Variants in TMEM120B observed in about 807,000 individuals in gnomAD.
The protein encoded by TMEM120B is transmembrane protein 120B.
Under a neutral mutation model 55.5 loss-of-function variants are expected in TMEM120B, and 31 were observed. That is an observed-to-expected ratio of 0.56 (90% confidence interval 0.42 to 0.75). The LOEUF is 0.75. Ranked by LOEUF, TMEM120B falls within the 30% of genes least tolerant of loss-of-function variation. The pLI, the probability that TMEM120B is intolerant of heterozygous loss-of-function variation, is 0.00. For synonymous variants in TMEM120B, 203 were observed against 176.3 expected (o/e 1.15, Z -1.20); for missense variants, 399 against 425.5 (o/e 0.94, Z 0.55).
chr12:121,750,567 AACCCAC>A (rs1038229892), intron 4 of TMEM120B, 128 bp downstream of exon 4: 6 of 631,186 alleles, frequency 9.5e-6, no homozygotes, highest in South Asian at 3.6e-5. Context: ...CCACACCTCA[AACCCAC>A]ACCCACACTC....
chr12:121,773,262 C>CTGTT (rs747595880), intron 8 of TMEM120B, among the ~76,000 whole-genome samples, 159 bp from the exon 9 acceptor site: 1 of 152,266 alleles, frequency 6.6e-6, no homozygotes, highest in Non-Finnish European at 1.5e-5. Flanking sequence ...GTGTGTGTGT[C>CTGTT]TGTTTGTGGT....
chr12:121,782,012 G>T lies in TMEM120B; in HGVS notation c.*6290G>T, dbSNP rs1256614752. On this transcript the variant is annotated 3_prime_UTR_variant, in exon 12 of 12. Coordinates refer to ENST00000449592, the MANE Select transcript of TMEM120B (RefSeq NM_001080825.2). ...TCTTCTTCTTTATAAACAATTCTTT[G>T]TAACTTTTTGTATTGACAGTTTCAA... The T allele has an allele frequency of 2.0e-5, 3 of 152,044 alleles. No homozygotes were observed. The highest frequency in any genetic ancestry group is 7.3e-5 in the African/African-American group (3 of 41,372). The allele number at this position is 152,044 out of a possible 1,614,324, so 9.4% of individuals were successfully genotyped here.
At chr12:121,762,058 C>T (rs775017467) in intron 6 of TMEM120B, among the ~76,000 whole-genome samples, 3 of 151,948 alleles carry the variant, frequency 2.0e-5, no homozygotes, top group Admixed American at 1.3e-4. Context: ...TTTGGGAGGC[C>T]GAGGGGGGCA....
chr12:121,740,935 A>C (rs2137113335), intron 1 of TMEM120B, among the ~76,000 whole-genome samples: 1 of 152,294 alleles, frequency 6.6e-6, no homozygotes, highest in South Asian at 2.1e-4. Context: ...GGTCTCTGTC[A>C]CAACTACTTG....
In TMEM120B at chr12:121,769,300, T is replaced by C. The variant is rs545439212; in HGVS notation, c.552-1607T>C. Among the ~76,000 whole-genome samples, 3 of 152,212 alleles carry C rather than the reference T, an allele frequency of 2.0e-5. No homozygotes were observed. In the South Asian group the frequency reaches 6.2e-4, roughly 32 times the overall value. ...TCACTGAGATGACAGGAGATGGGCC[T>C]GGGGCATGTAGCTCCTGGGGAGAAG... is the stretch of plus-strand genomic sequence containing the variant. On this transcript the variant is annotated intron_variant, in intron 6 of 11. Transcript: ENST00000449592.
rs1190328574 is a variant in TMEM120B, at chr12:121,780,806, C to T, written c.*5084C>T. On this transcript the variant is annotated 3_prime_UTR_variant, in exon 12 of 12. Transcript: ENST00000449592. ...AAAGGCCACTAAGGCACCCCAGTTG[C>T]AGAGGCCAAAGGTCCGGGAGGCTTC... 1 of 1,536,072 alleles carries T rather than the reference C, an allele frequency of 6.5e-7. No individual in the cohort carries two copies. The highest frequency in any genetic ancestry group is 2.1e-5 in the Admixed American group (1 of 46,656).
At chr12:121,733,222 A>G (rs1032656395) in intron 1 of TMEM120B, among the ~76,000 whole-genome samples, 8 of 152,056 alleles carry the variant, frequency 5.3e-5, no homozygotes, top group African/African-American at 1.9e-4. Context: ...GCATACCACT[A>G]AAGAGTGGAG....
At chr12:121,721,752 G>A (rs1281585461) in intron 1 of TMEM120B, among the ~76,000 whole-genome samples, 3 of 147,728 alleles carry the variant, frequency 2.0e-5, no homozygotes, top group African/African-American at 7.5e-5. Flanking sequence ...ACAGGCATAA[G>A]CCACTGCATT....
In TMEM120B at chr12:121,715,103, C is replaced by T. The variant is rs111632378; in HGVS notation, c.69+2139C>T. 3.9e-3 allele frequency among the ~76,000 whole-genome samples: 600 copies of T among 152,070 alleles called. 2 individuals are homozygous for T. Among genetic ancestry groups the T allele is most frequent in the African/African-American group, 0.013 (530 of 41,514 alleles). On this transcript the variant is annotated intron_variant, in intron 1 of 11. Coordinates refer to ENST00000449592, the MANE Select transcript of TMEM120B (RefSeq NM_001080825.2). Reference sequence around the variant, plus strand: ...CTGTAATTCCAGAACTTTGGGAGACCGAGGCGGGTGGATCACAAGGTTTGG... The same window carrying T: ...CTGTAATTCCAGAACTTTGGGAGACTGAGGCGGGTGGATCACAAGGTTTGG...
intron 1 of TMEM120B, among the ~76,000 whole-genome samples, chr12:121,722,782 G>A (rs913122807): frequency 3.3e-5 from 5 of 151,988 alleles, no homozygotes; most frequent in Non-Finnish European, 7.4e-5. Context: ...GTCAATGGCT[G>A]TCTCAGGAAG....
At position 121,779,608 on chromosome 12, in the gene TMEM120B, T is replaced by C. The variant is rs748163752; in HGVS notation, c.*3886T>C. The C allele has an allele frequency of 1.9e-6, 3 of 1,614,210 alleles. No individual in the cohort carries two copies. The highest frequency in any genetic ancestry group is 2.5e-6 in the Non-Finnish European group (3 of 1,180,030). The stretch of plus-strand genomic sequence containing the variant: ...ACGTCCTCCACATTCTCCCGAAACT[T>C]GGCGGAACATTCCAGGTAGAGAGCA... On this transcript the variant is annotated 3_prime_UTR_variant, in exon 12 of 12. Transcript: ENST00000449592.
At chr12:121,721,522 A>C (rs1327825235) in intron 1 of TMEM120B, among the ~76,000 whole-genome samples, 1 of 149,222 alleles carries the variant, frequency 6.7e-6, no homozygotes, top group African/African-American at 2.5e-5. Flanking sequence ...CCCAGGCTGG[A>C]GTGCAGTGGT....
At chr12:121,774,559 A>C in intron 9 of TMEM120B, 99 bp from the exon 10 acceptor site, 2 of 1,201,306 alleles carry the variant, frequency 1.7e-6, no homozygotes, top group Non-Finnish European at 2.4e-6. Context: ...TCCCTGGCTC[A>C]TCTTAGGGTG....
Position 121,717,806 on chromosome 12 carries a change from T to C in TMEM120B, c.69+4842T>C, listed in dbSNP as rs1894727823. Among the ~76,000 whole-genome samples, 6 of 152,112 alleles carry C rather than the reference T, an allele frequency of 3.9e-5. No individual in the cohort carries two copies. In the South Asian group the frequency reaches 1.2e-3, roughly 32 times the overall value. ...CCGAGTAGCTGGGATTACAGATGTG[T>C]GCCACCACTCCTGGCTAATTTTTGT... On this transcript the variant is annotated intron_variant, in intron 1 of 11. Coordinates refer to ENST00000449592, the MANE Select transcript of TMEM120B (RefSeq NM_001080825.2).
rs1359408525 is a variant in TMEM120B, at chr12:121,777,060, A to G, written c.*1338A>G. 6.6e-6 allele frequency: 1 copy of G among 150,652 alleles called. No homozygotes were observed. The highest frequency in any genetic ancestry group is 2.5e-5 in the African/African-American group (1 of 40,748). 9.3% of individuals were successfully genotyped at this position (150,652 alleles called of 1,614,324 possible). On this transcript the variant is annotated 3_prime_UTR_variant, in exon 12 of 12. Coordinates refer to ENST00000449592, the MANE Select transcript of TMEM120B (RefSeq NM_001080825.2). ...AACCTCTGCCTCCCAGGTTCAAGTG[A>G]TTCTCCTGCCTCAGCCTCCCGAGTA...
chr12:121,754,369 C>T (rs376361818), intron 5 of TMEM120B, among the ~76,000 whole-genome samples: 3 of 152,214 alleles, frequency 2.0e-5, no homozygotes, highest in South Asian at 2.1e-4. Flanking sequence ...AGGGCCTGGG[C>T]GTCTCTTTTT....
intron 1 of TMEM120B, among the ~76,000 whole-genome samples, chr12:121,723,294 A>G (rs1894832090): frequency 6.6e-6 from 1 of 152,068 alleles, no homozygotes; most frequent in African/African-American, 2.4e-5. Flanking sequence ...CAGCCTCCTG[A>G]GTAGCTGGGA....
At chr12:121,752,293 T>C (rs1873355669) in intron 5 of TMEM120B, 70 bp downstream of exon 5, 2 of 1,345,208 alleles carry the variant, frequency 1.5e-6, no homozygotes, top group Admixed American at 1.7e-5. Context: ...GAGAGAGGGA[T>C]CCAGGGGACC....
intron 1 of TMEM120B, 113 bp downstream of exon 1, chr12:121,713,077 G>A (rs1894629611): frequency 1.2e-6 from 1 of 849,646 alleles, no homozygotes; most frequent in Non-Finnish European, 1.7e-6. Context: ...GGAGTGCCCC[G>A]GAGAGGCCCT....
Sources: gnomAD v4.1 joint callset for allele counts (sites outside exome capture counted in the v4.1 genomes callset) on GRCh38, gnomAD v4.1.1 for gene constraint, MANE v1.5 for transcripts, NCBI Gene and HGNC (gene_info 2026-07-23, HGNC 2026-07-21) for gene names.